UNC5D: variants seen among roughly 807,000 people sequenced by gnomAD.
UNC5D encodes netrin receptor UNC5D.
In UNC5D, 39 loss-of-function variants were observed where a neutral mutation model predicts 105.4. The ratio of observed to expected loss-of-function variants is 0.37; its 90% CI spans 0.29 to 0.48. The LOEUF (loss-of-function observed/expected upper bound fraction) is 0.48. UNC5D is among the 20% of genes least tolerant of loss of function. The pLI, the probability that UNC5D is intolerant of heterozygous loss-of-function variation, is 0.98. For synonymous variants in UNC5D, 452 were observed against 450.4 expected (o/e 1.00, Z -0.04); for missense variants, 991 against 1,202.4 (o/e 0.82, Z 2.60).
At chr8:35,404,251 G>A (rs1408024803) in intron 1 of UNC5D, among the ~76,000 whole-genome samples, 3 of 152,162 alleles carry the variant, frequency 2.0e-5, no homozygotes, top group African/African-American at 7.2e-5. Flanking sequence ...ATTTCAGAAG[G>A]AAGAAGCCTC....
chr8:35,759,597 CAGAA>C, intron 14 of UNC5D, 128 bp downstream of exon 14: 11 of 1,092,184 alleles, frequency 1.0e-5, no homozygotes, highest in African/African-American at 1.6e-5. Flanking sequence ...AAAACTGTCA[CAGAA>C]ATGTAACAGT....
intron 4 of UNC5D, among the ~76,000 whole-genome samples, chr8:35,672,074 T>C (rs537039968): frequency 6.1e-4 from 93 of 152,294 alleles, no homozygotes; most frequent in Non-Finnish European, 8.1e-4. Context: ...GTAGACTTGA[T>C]TTTTCCAGTG....
At chr8:35,783,750 G>C (rs1054296606) in intron 16 of UNC5D, among the ~76,000 whole-genome samples, 1 of 152,170 alleles carries the variant, frequency 6.6e-6, no homozygotes, top group African/African-American at 2.4e-5. Flanking sequence ...CCTAAAGAAA[G>C]GGTGGTATCT....
intron 1 of UNC5D, among the ~76,000 whole-genome samples, chr8:35,256,968 T>G (rs1348207962): frequency 4.0e-5 from 6 of 150,472 alleles, no homozygotes; most frequent in Non-Finnish European, 8.8e-5. Context: ...TGTTTTTTTT[T>G]TTTTTTTGTT....
intron 3 of UNC5D, among the ~76,000 whole-genome samples, chr8:35,573,920 T>A (rs1483962268): frequency 6.6e-6 from 1 of 152,116 alleles, no homozygotes; most frequent in East Asian, 1.9e-4. Flanking sequence ...AAGGTAAAAA[T>A]AAATAAATAA....
At chr8:35,569,707 A>C (rs560715187) in intron 3 of UNC5D, among the ~76,000 whole-genome samples, 1 of 152,116 alleles carries the variant, frequency 6.6e-6, no homozygotes, top group African/African-American at 2.4e-5. Context: ...GAGAGAGAGA[A>C]TATGTTTGCA....
intron 1 of UNC5D, among the ~76,000 whole-genome samples, chr8:35,448,611 T>C (rs1263143488): frequency 6.6e-6 from 1 of 152,080 alleles, no homozygotes; most frequent in Non-Finnish European, 1.5e-5. Flanking sequence ...TAAACCCTCA[T>C]ATTTCTTTTT....
At chr8:35,491,083 C>A (rs147490245) in intron 1 of UNC5D, among the ~76,000 whole-genome samples, 1 of 151,790 alleles carries the variant, frequency 6.6e-6, no homozygotes, top group Non-Finnish European at 1.5e-5. Context: ...ACCTGAACTT[C>A]GCTGCTTTAA....
chr8:35,703,316 C>T (rs1827334813), intron 7 of UNC5D, among the ~76,000 whole-genome samples: 1 of 152,074 alleles, frequency 6.6e-6, no homozygotes, highest in African/African-American at 2.4e-5. Context: ...TTCCAGTTAT[C>T]ATGCTTAATC....
At chr8:35,430,905 C>A (rs571162432) in intron 1 of UNC5D, among the ~76,000 whole-genome samples, 1 of 152,264 alleles carries the variant, frequency 6.6e-6, no homozygotes, top group East Asian at 1.9e-4. Flanking sequence ...ATCACACACA[C>A]ATGCATGCAT....
At chr8:35,768,295 C>T (rs1337296174) in intron 15 of UNC5D, among the ~76,000 whole-genome samples, 1 of 152,126 alleles carries the variant, frequency 6.6e-6, no homozygotes, top group Middle Eastern at 3.4e-3. Context: ...GCAGTATTTG[C>T]GTTCATTATT....
chr8:35,775,111 C>T (rs1802185785), intron 16 of UNC5D, among the ~76,000 whole-genome samples: 1 of 152,106 alleles, frequency 6.6e-6, no homozygotes, highest in East Asian at 1.9e-4. Flanking sequence ...TTTCTTAAGC[C>T]AGTGATGCAG....
At chr8:35,267,028 A>T (rs191428519) in intron 1 of UNC5D, among the ~76,000 whole-genome samples, 1 of 151,646 alleles carries the variant, frequency 6.6e-6, no homozygotes, top group Non-Finnish European at 1.5e-5. Context: ...ACTCACCTCT[A>T]GTTGGAAATA....
At chr8:35,587,134 C>A (rs750989283) in intron 3 of UNC5D, among the ~76,000 whole-genome samples, 3 of 152,136 alleles carry the variant, frequency 2.0e-5, no homozygotes, top group Admixed American at 6.5e-5. Context: ...ACCTCTCCCT[C>A]CTCTTCACTT....
In UNC5D at chr8:35,793,353, T is replaced by A. The variant is rs748677883; in HGVS notation, c.*2790T>A. ...CACTGTGACCTAAATTTAGTCCTAT[T>A]GTAATATGTGCCTGTCACAACACAA... On this transcript the variant is annotated 3_prime_UTR_variant, in exon 17 of 17. Transcript: ENST00000404895. 7.5e-6 allele frequency: 2 copies of A among 266,372 alleles called. No individual in the cohort carries two copies. The highest frequency in any genetic ancestry group is 1.0e-4 in the Admixed American group (2 of 19,512). The allele number at this position is 266,372 out of a possible 1,614,324, so 16.5% of individuals were successfully genotyped here.
In UNC5D at chr8:35,335,756, A is replaced by ATTTTTTT. The variant is rs35774459; in HGVS notation, c.103+99888_103+99894dup. On this transcript the variant is annotated intron_variant, in intron 1 of 16. Coordinates refer to ENST00000404895, the MANE Select transcript of UNC5D (RefSeq NM_080872.4). The stretch of plus-strand genomic sequence containing the variant: ...GGATAGAATGAAATGAGAGATTGCA[A>ATTTTTTT]TTTTTTTTTTTTTTTTTTTTTTTTT... Among the ~76,000 whole-genome samples, 29 of 90,450 alleles carry ATTTTTTT rather than the reference A, an allele frequency of 3.2e-4. 2 individuals are homozygous for ATTTTTTT. The highest frequency in any genetic ancestry group is 1.0e-3 in the African/African-American group (23 of 22,670). 59.3% of individuals were successfully genotyped at this position (90,450 alleles called of 152,430 possible).
At chr8:35,429,625 T>G (rs1038949903) in intron 1 of UNC5D, among the ~76,000 whole-genome samples, 1 of 151,474 alleles carries the variant, frequency 6.6e-6, no homozygotes, top group African/African-American at 2.5e-5. Context: ...AAAATAACAC[T>G]TTTTTTCCAT....
rs562367848 is a variant in UNC5D at position 35,253,422 on chromosome 8, G to A, written c.103+17535G>A. ...CATATTTATTCCTTTAATCCACCTG[G>A]AGTAGATTTTTTTTTTCCCTCTGTA... On this transcript the variant is annotated intron_variant, in intron 1 of 16. Transcript: ENST00000404895. 2.1e-3 allele frequency among the ~76,000 whole-genome samples: 315 copies of A among 148,970 alleles called. 1 individual carries two copies. The highest frequency in any genetic ancestry group is 7.1e-3 in the African/African-American group (290 of 40,614).
At chr8:35,393,554 A>G (rs1238897245) in intron 1 of UNC5D, among the ~76,000 whole-genome samples, 1 of 152,162 alleles carries the variant, frequency 6.6e-6, no homozygotes, top group African/African-American at 2.4e-5. Context: ...CATGTAGATC[A>G]TTCTCAGTAA....
Sources: allele counts gnomAD v4.1 joint callset (sites outside exome capture counted in the v4.1 genomes callset), GRCh38; gene constraint gnomAD v4.1.1; transcripts MANE v1.5; gene names NCBI Gene and HGNC (gene_info 2026-07-23, HGNC 2026-07-21).